The following ATP6V0A4 variants were observed in gnomAD, a reference collection of about 807,000 sequenced individuals.
ATP6V0A4 encodes the protein V-type proton ATPase 116 kDa subunit a 4.
Under a neutral mutation model 107.3 loss-of-function variants are expected in ATP6V0A4, and 86 were observed. The observed-to-expected ratio is 0.80, with a 90% CI of 0.67 to 0.96. The LOEUF is 0.96. ATP6V0A4 is among the 40% of genes least tolerant of loss of function. The pLI is 0.00. For synonymous variants in ATP6V0A4, 353 were observed against 381.4 expected, an observed-to-expected ratio of 0.93 and a Z score of 0.87; for missense variants, 908 against 1,045.6, an observed-to-expected ratio of 0.87 and a Z score of 1.81.
At chr7:138,717,576 G>C (rs956823741) in intron 19 of ATP6V0A4, among the ~76,000 whole-genome samples, 4 of 151,568 alleles carry the variant, frequency 2.6e-5, no homozygotes, top group African/African-American at 9.7e-5. Flanking sequence ...AGAAAAGAAA[G>C]AGGCGCTCCC....
intron 1 of ATP6V0A4, among the ~76,000 whole-genome samples, chr7:138,793,591 A>G (rs547043363): frequency 9.2e-5 from 14 of 152,328 alleles, no homozygotes; most frequent in African/African-American, 3.4e-4. Context: ...TGCATGACAC[A>G]TTCAAGAGCC....
intron 5 of ATP6V0A4, among the ~76,000 whole-genome samples, chr7:138,763,382 C>CA (rs1806926702): frequency 6.6e-6 from 1 of 152,168 alleles, no homozygotes; most frequent in Non-Finnish European, 1.5e-5. Flanking sequence ...AATCCCAGCA[C>CA]TTTGGGAGGC....
At chr7:138,715,163 CA>C (rs1461580142) in intron 20 of ATP6V0A4, among the ~76,000 whole-genome samples, 1 of 152,192 alleles carries the variant, frequency 6.6e-6, no homozygotes, top group African/African-American at 2.4e-5. Flanking sequence ...ACTCTGGCTT[CA>C]AAAACTGGAA....
In ATP6V0A4 at chr7:138,745,208, T is replaced by A; in HGVS notation, c.1393A>T (p.Ile465Phe). Reference sequence around the variant, plus strand: ...GACTTGGAGAAGCAGTCATTGTAGATCAAACCCGTGTAGATGGAGAAGATG... The same window carrying A: ...GACTTGGAGAAGCAGTCATTGTAGAACAAACCCGTGTAGATGGAGAAGATG... ...MGIFSIYTGL[I>F]YNDCFSKSLN... The change falls in exon 14 of 22, where the codon ATC (isoleucine) becomes TTC (phenylalanine). Residue 465 changes from isoleucine to phenylalanine, a missense_variant. Ile to Phe is a conservative substitution (Grantham distance 21). Transcript: ENST00000310018. 1 of 1,614,142 alleles carries A rather than the reference T, an allele frequency of 6.2e-7. No homozygotes were observed. The highest frequency in any genetic ancestry group is 8.5e-7 in the Non-Finnish European group (1 of 1,180,030).
At chr7:138,714,582 A>C (rs3080494) in intron 20 of ATP6V0A4, among the ~76,000 whole-genome samples, 24,821 of 142,994 alleles carry the variant, frequency 0.17, 2,548 homozygotes, top group African/African-American at 0.32. Flanking sequence ...AGACAGACAG[A>C]CAGGCAGATG....
At chr7:138,750,784 T>C (rs1486809397) in intron 11 of ATP6V0A4, among the ~76,000 whole-genome samples, 2 of 152,168 alleles carry the variant, frequency 1.3e-5, no homozygotes, top group Non-Finnish European at 2.9e-5. Flanking sequence ...AAGTGCCCCA[T>C]TTAGGTGGTT....
intron 2 of ATP6V0A4, among the ~76,000 whole-genome samples, chr7:138,784,277 T>TAC (rs1282032783): frequency 0.067 from 2,358 of 35,298 alleles, 169 homozygotes; most frequent in African/African-American, 0.21. Context: ...CATATATATA[T>TAC]ATACATATAT....
chr7:138,759,094 C>G (rs1806658861), intron 8 of ATP6V0A4, among the ~76,000 whole-genome samples: 1 of 122,978 alleles, frequency 8.1e-6, no homozygotes, highest in Non-Finnish European at 1.6e-5. Flanking sequence ...GGGTCTCACT[C>G]TGTTCCCTAG....
chr7:138,734,438 A>C, intron 15 of ATP6V0A4, 184 bp from the exon 16 acceptor site: 2 of 427,100 alleles, frequency 4.7e-6, no homozygotes, highest in Non-Finnish European at 6.3e-6. Flanking sequence ...CCCTTTATAA[A>C]TGCAACTTTA....
intron 2 of ATP6V0A4, among the ~76,000 whole-genome samples, chr7:138,776,640 G>T (rs1187522051): frequency 6.6e-6 from 1 of 152,098 alleles, no homozygotes; most frequent in African/African-American, 2.4e-5. Context: ...AGCGGGTGGG[G>T]CCATAGTTTT....
chr7:138,726,033 G>A (rs995393363), intron 18 of ATP6V0A4, among the ~76,000 whole-genome samples: 12 of 151,894 alleles, frequency 7.9e-5, no homozygotes, highest in South Asian at 2.1e-4. Context: ...TCTGTCGCCT[G>A]GGCTGGAGTG....
intron 1 of ATP6V0A4, among the ~76,000 whole-genome samples, chr7:138,796,672 T>C (rs1808680257): frequency 7.2e-6 from 1 of 137,948 alleles, no homozygotes; most frequent in Non-Finnish European, 1.6e-5. Flanking sequence ...ATCCTTCCCC[T>C]ATACCTCTCA....
Position 138,709,641 on chromosome 7 carries a change from G to T in ATP6V0A4, c.2412C>A (p.His804Gln). ...ATCCTTACCAGTGCAGTCGCAGGGC[G>T]TGCAGGAAAGCAGAGAGGCCCTCCA... ...LIMEGLSAFL[H>Q]ALRLHWVEFQ... The change falls in exon 21 of 22, where the codon CAC becomes CAA. Residue 804 changes from histidine (H) to glutamine (Q), a missense_variant. His to Gln is a conservative substitution (Grantham distance 24). Transcript: ENST00000310018. 1 of 1,612,700 alleles carries T rather than the reference G, an allele frequency of 6.2e-7. No homozygotes were observed.
chr7:138,749,079 CA>C, intron 12 of ATP6V0A4, 87 bp downstream of exon 12: 2 of 1,542,570 alleles, frequency 1.3e-6, no homozygotes, highest in Admixed American at 1.7e-5. Flanking sequence ...ACAGTTTTAA[CA>C]AGTTCACCAC....
rs1554396458 is a variant in ATP6V0A4 at position 138,747,557 on chromosome 7, G to A, written c.1188C>T (p.Tyr396=). The change falls in exon 13 of 22, where the codon TAC becomes TAT. Residue 396 remains tyrosine (Y), a synonymous_variant. Coordinates refer to ENST00000310018, the MANE Select transcript of ATP6V0A4 (RefSeq NM_020632.3). The part of the protein sequence containing the change: ...GSYREINPAP[Y]TIITFPFLFA... ...ACAGGAAGGGGAAAGTGATGATGGT[G>A]TAGGGGGCTGCGGAGGGGAGACACA... is the stretch of plus-strand genomic sequence containing the variant. 2 of 1,614,092 alleles carry A rather than the reference G, an allele frequency of 1.2e-6. No homozygotes were observed. The highest frequency in any genetic ancestry group is 2.2e-5 in the South Asian group (2 of 91,062).
chr7:138,706,737 G>A lies in ATP6V0A4; in HGVS notation c.2430-20C>T, dbSNP rs201317315. The A allele has an allele frequency of 3.1e-5, 50 of 1,612,156 alleles. No homozygotes were observed. Among genetic ancestry groups the A allele is most frequent in the East Asian group, 1.3e-4 (6 of 44,822 alleles). On this transcript the variant is annotated intron_variant, in intron 21 of 21. Transcript: ENST00000310018. Reference sequence around the variant, plus strand: ...TCAACCCTGTTGTTGAGGGGAGGCCGTGGGGTAAGAAATGGGAGATTGAAA... The same window carrying A: ...TCAACCCTGTTGTTGAGGGGAGGCCATGGGGTAAGAAATGGGAGATTGAAA...
At position 138,793,326 on chromosome 7, in the gene ATP6V0A4, A is replaced by G. The variant is rs369216133; in HGVS notation, c.-121+4708T>C. ...ATAAAAGAGATGAGGGATATTACAC[A>G]ATGATTTTTTAAAAGAAGGTTCAAT... On this transcript the variant is annotated intron_variant, in intron 1 of 21. Coordinates refer to ENST00000310018, the MANE Select transcript of ATP6V0A4 (RefSeq NM_020632.3). Among the ~76,000 whole-genome samples, 12 of 152,270 alleles carry G rather than the reference A, an allele frequency of 7.9e-5. No individual in the cohort carries two copies. In the East Asian group the frequency reaches 1.5e-3, roughly 20 times the overall value.
At chr7:138,725,705 G>T (rs943456641) in intron 18 of ATP6V0A4, among the ~76,000 whole-genome samples, 2 of 151,992 alleles carry the variant, frequency 1.3e-5, no homozygotes, top group Admixed American at 6.6e-5. Flanking sequence ...TAGAGACAGG[G>T]TTTCACCATG....
chr7:138,753,792 C>A lies in ATP6V0A4; in HGVS notation c.817-955G>T, dbSNP rs76166934. Among the ~76,000 whole-genome samples, 102 of 152,274 alleles carry A rather than the reference C, an allele frequency of 6.7e-4. 4 individuals are homozygous for A. The East Asian group carries it at 0.018, about 27-fold the overall frequency. ...CACTTTGCAATATAATGCCCCCTGG[C>A]CTGGGGATTTCCAGGAGACAAGAGC... On this transcript the variant is annotated intron_variant, in intron 10 of 21. Transcript: ENST00000310018.
Sources: allele counts gnomAD v4.1 joint callset (sites outside exome capture counted in the v4.1 genomes callset), GRCh38; gene constraint gnomAD v4.1.1; transcripts MANE v1.5; gene names NCBI Gene and HGNC (gene_info 2026-07-23, HGNC 2026-07-21).